Variants in TRPC1 observed in about 807,000 individuals in gnomAD.
TRPC1 encodes short transient receptor potential channel 1.
Under a neutral mutation model 88.2 loss-of-function variants are expected in TRPC1, and 42 were observed. The ratio of observed to expected loss-of-function variants is 0.48; its 90% confidence interval spans 0.37 to 0.62. The LOEUF (loss-of-function observed/expected upper bound fraction) is 0.62. Among genes scored for constraint, TRPC1 ranks in the 20% least tolerant of loss-of-function variants. The probability of loss-of-function intolerance (pLI) is 0.00; values close to 1 mark genes in which losing one functional copy is unlikely to be tolerated. For missense variants in TRPC1, 699 were observed against 957.3 expected, an observed-to-expected ratio of 0.73 and a Z score of 3.56; for synonymous variants, 288 against 331.8, an observed-to-expected ratio of 0.87 and a Z score of 1.43.
chr3:142,724,856 C>T lies in TRPC1; in HGVS notation c.172+125C>T, dbSNP rs1169982754. ...GGCGCCGAGTGTCTTCCCGCCTCGC[C>T]TGCTGCCTCAGGCGGTCTTCTCCTC... On this transcript the variant is annotated intron_variant, in intron 1 of 12. Coordinates refer to ENST00000476941, the MANE Select transcript of TRPC1 (RefSeq NM_001251845.2). The surrounding 1 kb of genome is among the most constrained non-coding windows in gnomAD (Gnocchi z 5.6). 5.2e-5 allele frequency: 61 copies of T among 1,180,562 alleles called. No homozygotes were observed. The highest frequency in any genetic ancestry group is 6.5e-5 in the Non-Finnish European group (58 of 887,586). The allele number at this position is 1,180,562 out of a possible 1,614,324, so 73.1% of individuals were successfully genotyped here.
At chr3:142,785,065 G>C (rs762573887) in intron 7 of TRPC1, 25 bp downstream of exon 7, 5 of 1,535,632 alleles carry the variant, frequency 3.3e-6, no homozygotes, top group Non-Finnish European at 3.5e-6. Flanking sequence ...AGTTTGAAAG[G>C]TTTTGTCTTT....
chr3:142,728,979 G>A (rs1933792777), intron 1 of TRPC1, among the ~76,000 whole-genome samples: 1 of 152,072 alleles, frequency 6.6e-6, no homozygotes, highest in African/African-American at 2.4e-5. Context: ...GGTAAAGAGG[G>A]TATTGTAGGC....
At chr3:142,732,055 A>G (rs1472528422) in intron 1 of TRPC1, among the ~76,000 whole-genome samples, 3 of 152,172 alleles carry the variant, frequency 2.0e-5, no homozygotes. Context: ...CCTTTTTCAG[A>G]AAACTTTGTT....
At chr3:142,733,243 G>T (rs981394461) in intron 1 of TRPC1, among the ~76,000 whole-genome samples, 3 of 152,146 alleles carry the variant, frequency 2.0e-5, no homozygotes, top group Admixed American at 6.5e-5. Context: ...TGGGCACGGT[G>T]GCTTATGACT....
chr3:142,738,024 G>A (rs1934205590), intron 2 of TRPC1, among the ~76,000 whole-genome samples: 1 of 152,110 alleles, frequency 6.6e-6, no homozygotes, highest in African/African-American at 2.4e-5. Context: ...TTATAATTTT[G>A]TCTTTTTACA....
chr3:142,787,365 A>G (rs1158614812), intron 7 of TRPC1, among the ~76,000 whole-genome samples: 1 of 152,156 alleles, frequency 6.6e-6, no homozygotes, highest in Admixed American at 6.6e-5. Flanking sequence ...GCTTGGTTCA[A>G]CTTACTATTT....
intron 4 of TRPC1, among the ~76,000 whole-genome samples, chr3:142,765,805 A>G (rs1258396537): frequency 6.6e-6 from 1 of 152,222 alleles, no homozygotes; most frequent in African/African-American, 2.4e-5. Context: ...GAATGAGAGA[A>G]AATATCTGCA....
chr3:142,768,985 C>T (rs989082932), intron 4 of TRPC1, among the ~76,000 whole-genome samples: 8 of 152,052 alleles, frequency 5.3e-5, no homozygotes, highest in Admixed American at 3.3e-4. Context: ...TATTTATCCA[C>T]ATAATTACTA....
At chr3:142,752,382 T>A (rs1476594041) in intron 4 of TRPC1, among the ~76,000 whole-genome samples, 1 of 152,282 alleles carries the variant, frequency 6.6e-6, no homozygotes, top group African/African-American at 2.4e-5. Flanking sequence ...TAGGCCAGAT[T>A]TATGTTTCTC....
intron 10 of TRPC1, among the ~76,000 whole-genome samples, chr3:142,802,655 G>A (rs1410331750): frequency 6.6e-6 from 1 of 152,004 alleles, no homozygotes; most frequent in Admixed American, 6.6e-5. Context: ...ATTGCAAGAT[G>A]TTCAGCATCT....
At position 142,799,186 on chromosome 3, in the gene TRPC1, G is replaced by T. The variant is rs1200973744; in HGVS notation, c.1582-2983G>T. 2.0e-5 allele frequency among the ~76,000 whole-genome samples: 3 copies of T among 152,050 alleles called. No individual in the cohort carries two copies. The East Asian group carries it at 5.9e-4, about 30-fold the overall frequency. On this transcript the variant is annotated intron_variant, in intron 9 of 12. Transcript: ENST00000476941. Reference sequence around the variant, plus strand: ...TTCCCTTTTTCTGATTAGCAAGAAGGATTTTTTCCTCTGTGTGTACTAGTA... The same window carrying T: ...TTCCCTTTTTCTGATTAGCAAGAAGTATTTTTTCCTCTGTGTGTACTAGTA...
chr3:142,733,154 G>A (rs1933995865), intron 1 of TRPC1, among the ~76,000 whole-genome samples: 1 of 152,032 alleles, frequency 6.6e-6, no homozygotes, highest in African/African-American at 2.4e-5. Flanking sequence ...TATTTATTTG[G>A]TTTTGATTTT....
intron 7 of TRPC1, among the ~76,000 whole-genome samples, chr3:142,788,836 T>C (rs1936212278): frequency 6.6e-6 from 1 of 152,200 alleles, no homozygotes; most frequent in African/African-American, 2.4e-5. Flanking sequence ...CTATGTTCTT[T>C]GTGATCCAGC....
chr3:142,753,061 T>G (rs1934832981), intron 4 of TRPC1, among the ~76,000 whole-genome samples: 1 of 152,220 alleles, frequency 6.6e-6, no homozygotes, highest in African/African-American at 2.4e-5. Flanking sequence ...TGATCTCTCT[T>G]TCTTTTCCCT....
At chr3:142,788,317 T>C (rs1936193482) in intron 7 of TRPC1, among the ~76,000 whole-genome samples, 3 of 150,990 alleles carry the variant, frequency 2.0e-5, no homozygotes, top group Admixed American at 1.3e-4. Flanking sequence ...GTGATTGTGA[T>C]AGAGAAAGAG....
At position 142,792,852 on chromosome 3, in the gene TRPC1, G is replaced by T; in HGVS notation, c.1466G>T (p.Trp489Leu). ...KFHDFADRKD[W>L]DAFHPTLVAE... ...CATGATTTTGCTGATCGGAAGGATT[G>T]GGATGCATTCCATCCTACACTGGTG... The change falls in exon 9 of 13, where the codon TGG becomes TTG. Residue 489 changes from tryptophan (W) to leucine (L), a missense_variant. Around this residue, in one of 4 missense-constraint regions of TRPC1, gnomAD observed 426 missense variants for 641.3 expected, o/e 0.66. Coordinates refer to ENST00000476941, the MANE Select transcript of TRPC1 (RefSeq NM_001251845.2). The surrounding 1 kb of genome is among the most constrained non-coding windows in gnomAD (Gnocchi z 4.0). 1 of 1,598,894 alleles carries T rather than the reference G, an allele frequency of 6.3e-7. No individual in the cohort carries two copies.
chr3:142,731,947 C>G (rs528131047), intron 1 of TRPC1, among the ~76,000 whole-genome samples: 1 of 152,286 alleles, frequency 6.6e-6, no homozygotes, highest in African/African-American at 2.4e-5. Context: ...CATTTGTTTA[C>G]ATATGGTCTG....
chr3:142,730,205 CA>C (rs1004779218), intron 1 of TRPC1, among the ~76,000 whole-genome samples: 10 of 152,164 alleles, frequency 6.6e-5, no homozygotes, highest in Middle Eastern at 3.4e-3. Flanking sequence ...ACAAAATAAA[CA>C]TTGCTTTTGA....
chr3:142,753,581 T>C (rs764218198), intron 4 of TRPC1, among the ~76,000 whole-genome samples: 24 of 151,828 alleles, frequency 1.6e-4, no homozygotes, highest in Admixed American at 7.9e-4. Flanking sequence ...CCTGGCCAAC[T>C]TGGTGAAACC....
Sources: allele counts gnomAD v4.1 joint callset (sites outside exome capture counted in the v4.1 genomes callset), GRCh38; gene constraint gnomAD v4.1.1; regional missense constraint gnomAD v4.1.1; non-coding constraint Gnocchi (gnomAD v3.1); transcripts MANE v1.5; gene names NCBI Gene and HGNC (gene_info 2026-07-23, HGNC 2026-07-21).